NOL8: variants seen among roughly 807,000 people sequenced by gnomAD.
NOL8 encodes nucleolar protein Nop132.
Under a neutral mutation model 116.1 loss-of-function variants are expected in NOL8, and 93 were observed. The ratio of observed to expected loss-of-function variants is 0.80; its 90% confidence interval spans 0.68 to 0.95. The LOEUF (loss-of-function observed/expected upper bound fraction) is 0.95, where lower values mean the gene tolerates loss of function less well. Among genes scored for constraint, NOL8 ranks in the 40% least tolerant of loss-of-function variants. NOL8 has a pLI of 0.00. For synonymous variants in NOL8, 419 were observed against 469.0 expected (o/e 0.89, Z 1.38); for missense variants, 1,291 against 1,382.8 (o/e 0.93, Z 1.05).
At chr9:92,301,518 A>G in intron 13 of NOL8, 33 bp downstream of exon 13, 1 of 1,496,640 alleles carries the variant, frequency 6.7e-7, no homozygotes, top group Non-Finnish European at 9.0e-7. Flanking sequence ...CAAACTGAAT[A>G]AAATAAAAAA....
chr9:92,323,930 A>G (rs988658933), intron 2 of NOL8, 93 bp downstream of exon 2: 1 of 1,375,508 alleles, frequency 7.3e-7, no homozygotes, highest in African/African-American at 1.4e-5. Flanking sequence ...TTTGGTGTTC[A>G]GAGCTAACAT....
intron 12 of NOL8, among the ~76,000 whole-genome samples, chr9:92,305,111 T>C (rs1241577262): frequency 6.6e-6 from 1 of 151,994 alleles, no homozygotes. Context: ...ATTATTTAGA[T>C]AAGGGGTCTT....
At chr9:92,308,446 A>G (rs923623208) in intron 10 of NOL8, among the ~76,000 whole-genome samples, 1 of 152,222 alleles carries the variant, frequency 6.6e-6, no homozygotes, top group East Asian at 1.9e-4. Context: ...CAACGCAGAA[A>G]GGTTAAGAAG....
Position 92,301,799 on chromosome 9 carries a change from CT to C in NOL8, c.2926del (p.Arg976GlyfsTer22). 1 of 1,593,102 alleles carries C rather than the reference CT, an allele frequency of 6.3e-7. No individual in the cohort carries two copies. The highest frequency in any genetic ancestry group is 8.6e-7 in the Non-Finnish European group (1 of 1,169,048). On this transcript the variant is annotated frameshift_variant, in exon 13 of 17. Transcript: ENST00000442668. LOFTEE classifies it high-confidence loss of function. ...CTCAGGTAGTTTCTCAGCTTCCTCC[CT>C]TTTCTTTTTTCGTTTTGCTTTACTG... The part of the protein sequence containing the change: ...KESKAKRKKK[R>X]EEAEKLPEVS...
chr9:92,305,053 C>G (rs764008593), intron 12 of NOL8, among the ~76,000 whole-genome samples: 43 of 151,698 alleles, frequency 2.8e-4, no homozygotes, highest in Non-Finnish European at 3.7e-4. Flanking sequence ...TGGTTGCCCC[C>G]CAAAAGCTAT....
intron 2 of NOL8, 29 bp from the exon 3 acceptor site, chr9:92,323,532 A>T: frequency 2.0e-6 from 3 of 1,517,642 alleles, no homozygotes; most frequent in Non-Finnish European, 2.7e-6. Flanking sequence ...AACAAACAAA[A>T]CAATTTATTT....
intron 10 of NOL8, among the ~76,000 whole-genome samples, chr9:92,308,151 A>G (rs904564406): frequency 2.0e-5 from 3 of 152,102 alleles, no homozygotes; most frequent in Middle Eastern, 3.2e-3. Context: ...CACTTTGGGA[A>G]GCTGAGGCAG....
intron 6 of NOL8, 102 bp downstream of exon 6, chr9:92,318,504 GAACACGCAAACA>G: frequency 1.3e-6 from 1 of 749,570 alleles, no homozygotes. Context: ...AAGAAACTGG[GAACACGCAAACA>G]AACACCTAAA....
Position 92,314,257 on chromosome 9 carries a change from A to G in NOL8, c.2358+10T>C. On this transcript the variant is annotated intron_variant, in intron 7 of 16. Coordinates refer to ENST00000442668, the MANE Select transcript of NOL8 (RefSeq NM_017948.6). ...TTCTTGTTAAATCCATACATTGAAA[A>G]TATACTCACCAAATTTGCCAGAGCA... The G allele has an allele frequency of 1.3e-6, 2 of 1,547,984 alleles. No individual in the cohort carries two copies. The highest frequency in any genetic ancestry group is 1.7e-6 in the Non-Finnish European group (2 of 1,147,296).
At position 92,315,960 on chromosome 9, in the gene NOL8, T is replaced by TA; in HGVS notation, c.664_665insT (p.Lys222IlefsTer6). On this transcript the variant is annotated frameshift_variant, in exon 7 of 17. Transcript: ENST00000442668. LOFTEE classifies it high-confidence loss of function. The stretch of plus-strand genomic sequence containing the variant: ...AGTGGAACTCTCATCCTTCTGCACT[T>TA]TTATTATCTTCTTGGGAGGGCCATG... 1 of 1,613,888 alleles carries TA rather than the reference T, an allele frequency of 6.2e-7. No individual in the cohort carries two copies. The highest frequency in any genetic ancestry group is 1.1e-5 in the South Asian group (1 of 91,076).
Position 92,323,491 on chromosome 9 carries a change from TTC to T in NOL8, c.150_151del (p.Lys51SerfsTer23), listed in dbSNP as rs759424068. ...ACTGATGTTGATATATGCAAAAACT[TTC>T]TGTGGGTTTCCTAAAAAACAAACAA... On this transcript the variant is annotated frameshift_variant, in exon 3 of 17. Coordinates refer to ENST00000442668, the MANE Select transcript of NOL8 (RefSeq NM_017948.6). LOFTEE classifies it high-confidence loss of function. 1.2e-5 allele frequency: 20 copies of T among 1,603,476 alleles called. No individual in the cohort carries two copies. The African/African-American group carries it at 2.4e-4, about 19-fold the overall frequency.
At chr9:92,302,361 C>G (rs544818374) in intron 12 of NOL8, among the ~76,000 whole-genome samples, 3 of 152,224 alleles carry the variant, frequency 2.0e-5, no homozygotes, top group African/African-American at 7.2e-5. Context: ...TGATCTGGGA[C>G]AAAAAGTTAC....
At chr9:92,320,599 T>C (rs1032235360) in intron 4 of NOL8, among the ~76,000 whole-genome samples, 1 of 152,138 alleles carries the variant, frequency 6.6e-6, no homozygotes, top group Non-Finnish European at 1.5e-5. Flanking sequence ...TATATTCTTT[T>C]TTTTTTTTCC....
chr9:92,315,947 A>G lies in NOL8; in HGVS notation c.678T>C (p.Asp226=). 1 of 1,613,904 alleles carries G rather than the reference A, an allele frequency of 6.2e-7. No individual in the cohort carries two copies. Among genetic ancestry groups the G allele is most frequent in the East Asian group, 2.2e-5 (1 of 44,876 alleles). Residue 226 remains aspartate (D), a synonymous_variant, in exon 7 of 17, where the codon GAT becomes GAC. Transcript: ENST00000442668. ...TGGCCAGAGACCCAGTGGAACTCTC[A>G]TCCTTCTGCACTTTTATTATCTTCT... ...PPKKIIKVQK[D]ESSTGSLAMS...
chr9:92,319,907 G>C (rs552680724), intron 4 of NOL8: 21 of 380,918 alleles, frequency 5.5e-5, no homozygotes, highest in African/African-American at 3.6e-4. Flanking sequence ...CTACACTACA[G>C]TCAGTCTCCC....
At position 92,301,823 on chromosome 9, in the gene NOL8, C is replaced by T. The variant is rs1299961267; in HGVS notation, c.2904-1G>A. 22 of 1,577,488 alleles carry T rather than the reference C, an allele frequency of 1.4e-5. No individual in the cohort carries two copies. Among genetic ancestry groups the T allele is most frequent in the Non-Finnish European group, 1.9e-5 (22 of 1,161,088 alleles). On this transcript the variant is annotated splice_acceptor_variant, in intron 12 of 16. Transcript: ENST00000442668. LOFTEE classifies it high-confidence loss of function. Reference sequence around the variant, plus strand: ...CCTTTTCTTTTTTCGTTTTGCTTTACTGAAATGACATATGTAGACATGTGC... The same window carrying T: ...CCTTTTCTTTTTTCGTTTTGCTTTATTGAAATGACATATGTAGACATGTGC...
At chr9:92,307,354 A>G (rs193004576) in intron 10 of NOL8, among the ~76,000 whole-genome samples, 9 of 152,178 alleles carry the variant, frequency 5.9e-5, no homozygotes, top group Admixed American at 5.2e-4. Flanking sequence ...GTGATTATAG[A>G]CTCTTTGATT....
chr9:92,322,281 AT>A (rs796251848), intron 3 of NOL8, among the ~76,000 whole-genome samples: 5 of 152,214 alleles, frequency 3.3e-5, no homozygotes, highest in African/African-American at 1.2e-4. Context: ...GTAGTAATTG[AT>A]TTCTCTGAGC....
At position 92,314,837 on chromosome 9, in the gene NOL8, G is replaced by A; in HGVS notation, c.1788C>T (p.Asn596=). ...GTTTCATGGAATTCTGATCTTTATT[G>A]TTAGAGGCAACACTGTCTTTCAAGG... is the stretch of plus-strand genomic sequence containing the variant. ...KKSLKDSVAS[N]NKDQNSMKHE... The change falls in exon 7 of 17, where the codon AAC becomes AAT. Residue 596 remains asparagine, a synonymous_variant. Coordinates refer to ENST00000442668, the MANE Select transcript of NOL8 (RefSeq NM_017948.6). 1.9e-6 allele frequency: 3 copies of A among 1,613,208 alleles called. No individual in the cohort carries two copies. Among genetic ancestry groups the A allele is most frequent in the South Asian group, 1.1e-5 (1 of 90,982 alleles).
Sources: gnomAD v4.1 joint callset for allele counts (sites outside exome capture counted in the v4.1 genomes callset) on GRCh38, gnomAD v4.1.1 for gene constraint, MANE v1.5 for transcripts, NCBI Gene and HGNC (gene_info 2026-07-23, HGNC 2026-07-21) for gene names.